CTNNA2: variants seen among roughly 807,000 people sequenced by gnomAD.
CTNNA2 encodes the protein catenin alpha 2.
Under a neutral mutation model 101.0 loss-of-function variants are expected in CTNNA2, and 42 were observed. The observed-to-expected ratio is 0.42, with a 90% confidence interval of 0.32 to 0.54. CTNNA2 has a LOEUF of 0.54. Ranked by LOEUF, CTNNA2 falls within the 20% of genes least tolerant of loss-of-function variation. CTNNA2 has a pLI of 0.14. For synonymous variants in CTNNA2, 450 were observed against 456.4 expected (o/e 0.99, Z 0.18); for missense variants, 871 against 1,223.1 (o/e 0.71, Z 4.29).
At chr2:80,198,349 G>C (rs1394825482) in intron 7 of CTNNA2, among the ~76,000 whole-genome samples, 1 of 152,136 alleles carries the variant, frequency 6.6e-6, no homozygotes, top group African/African-American at 2.4e-5. Context: ...CTTTCAAAGT[G>C]ATTAAATTCT....
chr2:80,339,978 C>T (rs545522703), intron 7 of CTNNA2, among the ~76,000 whole-genome samples: 9 of 152,286 alleles, frequency 5.9e-5, no homozygotes, highest in African/African-American at 1.7e-4. Flanking sequence ...AAGTTATTAA[C>T]GTAGCTTTCT....
intron 4 of CTNNA2, among the ~76,000 whole-genome samples, chr2:79,499,436 C>G (rs1281592020): frequency 2.0e-5 from 3 of 152,174 alleles, no homozygotes; most frequent in Admixed American, 1.3e-4. Context: ...ATATAGCAGT[C>G]ACAGCGATCT....
chr2:80,462,071 C>G (rs1369305074), intron 9 of CTNNA2, among the ~76,000 whole-genome samples: 1 of 152,176 alleles, frequency 6.6e-6, no homozygotes, highest in East Asian at 1.9e-4. Flanking sequence ...GTGCCTTGGG[C>G]CTTGCCTTAG....
intron 18 of CTNNA2, among the ~76,000 whole-genome samples, chr2:80,645,082 A>G (rs1179368651): frequency 1.3e-5 from 2 of 152,160 alleles, no homozygotes; most frequent in South Asian, 2.1e-4. Flanking sequence ...GAGCAATATC[A>G]TCTTGTTCTA....
chr2:79,625,208 A>T (rs146548940), intron 1 of CTNNA2, among the ~76,000 whole-genome samples: 1 of 152,310 alleles, frequency 6.6e-6, no homozygotes, highest in Non-Finnish European at 1.5e-5. Context: ...AAAATGAGAT[A>T]CACAGGAAAA....
intron 9 of CTNNA2, among the ~76,000 whole-genome samples, chr2:80,481,029 T>C (rs1285595649): frequency 1.3e-5 from 2 of 152,142 alleles, no homozygotes; most frequent in Non-Finnish European, 2.9e-5. Flanking sequence ...CAAAATGCAA[T>C]GTCCATCCAA....
Position 80,100,538 on chromosome 2 carries a change from AC to A in CTNNA2, c.1056+190742del, listed in dbSNP as rs1700478408. On this transcript the variant is annotated intron_variant, in intron 7 of 18. Coordinates refer to ENST00000402739, the MANE Select transcript of CTNNA2 (RefSeq NM_001282597.3). ...CTATTTACTATATTTGTTTTTTTTC[AC>A]ACATTCTGAAATCCTCCTAGTCAAT... Among the ~76,000 whole-genome samples, 4 of 151,948 alleles carry A rather than the reference AC, an allele frequency of 2.6e-5. No homozygotes were observed. In the South Asian group the frequency reaches 8.3e-4, roughly 32 times the overall value.
intron 7 of CTNNA2, among the ~76,000 whole-genome samples, chr2:80,036,668 G>A (rs1265809737): frequency 1.3e-5 from 2 of 152,090 alleles, no homozygotes; most frequent in African/African-American, 4.8e-5. Context: ...AACATGAGCT[G>A]GGAGACTATG....
chr2:79,552,866 C>T (rs1674200537), intron 1 of CTNNA2, among the ~76,000 whole-genome samples: 1 of 152,206 alleles, frequency 6.6e-6, no homozygotes, highest in South Asian at 2.1e-4. Context: ...ATTTTTCCCT[C>T]CTAGGCCTCC....
chr2:79,313,230 A>G (rs1317471218), intron 3 of CTNNA2, among the ~76,000 whole-genome samples: 1 of 152,176 alleles, frequency 6.6e-6, no homozygotes, highest in African/African-American at 2.4e-5. Flanking sequence ...GGACTAGTGT[A>G]ATAATTTGGA....
chr2:79,318,577 T>G (rs1186655798), intron 3 of CTNNA2, among the ~76,000 whole-genome samples: 1 of 152,218 alleles, frequency 6.6e-6, no homozygotes, highest in Non-Finnish European at 1.5e-5. Context: ...GTGCTCACTA[T>G]TGGATGGGAA....
At chr2:79,757,338 C>T (rs1011686560) in intron 3 of CTNNA2, among the ~76,000 whole-genome samples, 11 of 152,010 alleles carry the variant, frequency 7.2e-5, no homozygotes, top group Admixed American at 5.2e-4. Context: ...GTGTGAGTGC[C>T]GAACTATTCT....
At chr2:79,633,236 C>T (rs1426191781) in intron 1 of CTNNA2, among the ~76,000 whole-genome samples, 3 of 152,114 alleles carry the variant, frequency 2.0e-5, no homozygotes, top group Non-Finnish European at 1.5e-5. Flanking sequence ...TCCTTCTACT[C>T]TGTTATTCTC....
intron 4 of CTNNA2, among the ~76,000 whole-genome samples, chr2:79,449,540 G>A (rs571876177): frequency 2.0e-5 from 3 of 151,988 alleles, no homozygotes; most frequent in Admixed American, 1.3e-4. Flanking sequence ...CACATAGAAA[G>A]GTAACTCGTT....
At chr2:79,832,892 C>T (rs912539137) in intron 3 of CTNNA2, among the ~76,000 whole-genome samples, 11 of 152,184 alleles carry the variant, frequency 7.2e-5, no homozygotes, top group Non-Finnish European at 8.8e-5. Flanking sequence ...TTACTATTCT[C>T]GTAAATTTTA....
intron 2 of CTNNA2, among the ~76,000 whole-genome samples, chr2:79,234,921 A>G (rs1674537706): frequency 6.6e-6 from 1 of 152,112 alleles, no homozygotes; most frequent in South Asian, 2.1e-4. Flanking sequence ...TTCATCTTTC[A>G]GCTCCTGGAT....
At chr2:80,262,807 C>T (rs898677976) in intron 7 of CTNNA2, among the ~76,000 whole-genome samples, 1 of 152,172 alleles carries the variant, frequency 6.6e-6, no homozygotes, top group Admixed American at 6.5e-5. Flanking sequence ...AAATTATCAA[C>T]ATGTCCTCAG....
chr2:79,508,393 A>C (rs1671458470), upstream of CTNNA2, among the ~76,000 whole-genome samples: 1 of 152,180 alleles, frequency 6.6e-6, no homozygotes, highest in Non-Finnish European at 1.5e-5. Context: ...AAATGACACA[A>C]TTTCAAAATG....
rs1684325418 is a variant in CTNNA2 at position 80,460,376 on chromosome 2, T to G, written c.1290+40775T>G. Among the ~76,000 whole-genome samples the G allele has an allele frequency of 2.0e-5, 3 of 152,260 alleles. No homozygotes were observed. In the South Asian group the frequency reaches 6.2e-4, roughly 32 times the overall value. Reference sequence around the variant, plus strand: ...TTCATTTCTTATGCACATACTCCAGTGCTTTTTAGATCTTAACACAAAGAA... The same window carrying G: ...TTCATTTCTTATGCACATACTCCAGGGCTTTTTAGATCTTAACACAAAGAA... On this transcript the variant is annotated intron_variant, in intron 9 of 18. Transcript: ENST00000402739.
Sources: allele counts gnomAD v4.1 joint callset (sites outside exome capture counted in the v4.1 genomes callset), GRCh38; gene constraint gnomAD v4.1.1; transcripts MANE v1.5; gene names NCBI Gene and HGNC (gene_info 2026-07-23, HGNC 2026-07-21).